The following ZNF891 variants were observed in gnomAD, a reference collection of about 807,000 sequenced individuals.
ZNF891 encodes zinc finger protein 891.
For synonymous variants in ZNF891, 199 were observed against 209.0 expected (o/e 0.95, Z 0.41); for missense variants, 589 against 632.7 (o/e 0.93, Z 0.74).
Position 133,120,191 on chromosome 12 carries a change from C to T in ZNF891, c.*93G>A, listed in dbSNP as rs1593824991. 2.9e-6 allele frequency: 3 copies of T among 1,046,916 alleles called. No individual in the cohort carries two copies. The highest frequency in any genetic ancestry group is 5.3e-5 in the East Asian group (2 of 38,010). The allele number at this position is 1,046,916 out of a possible 1,614,324, so 64.9% of individuals were successfully genotyped here. A position where few individuals can be genotyped will look rare whatever the true frequency, so the allele number is the denominator to read the frequency against. On this transcript the variant is annotated 3_prime_UTR_variant, in exon 2 of 2. Transcript: ENST00000537226. The stretch of plus-strand genomic sequence containing the variant: ...ATATTAAAAAAAGAGCCATTTGTAA[C>T]CTTAAATCGTTCTTTTAGAGAACAA...
At position 133,120,867 on chromosome 12, in the gene ZNF891, T is replaced by A. The variant is rs764118157; in HGVS notation, c.1052A>T (p.Lys351Ile). Residue 351 changes from lysine to isoleucine, a missense_variant, in exon 2 of 2, where the codon AAA (lysine) becomes ATA (isoleucine). Coordinates refer to ENST00000537226, the MANE Select transcript of ZNF891 (RefSeq NM_001277291.2). Reference sequence around the variant, plus strand: ...ATCATTGAACACTTTACCACATTCTTTACATTCATATTGTTTCTCACCCAT... The same window carrying A: ...ATCATTGAACACTTTACCACATTCTATACATTCATATTGTTTCTCACCCAT... ...SHMGEKQYEC[K>I]ECGKVFNDSS... 1 of 1,544,250 alleles carries A rather than the reference T, an allele frequency of 6.5e-7. No homozygotes were observed.
At position 133,106,328 on chromosome 12, in the gene ZNF891, C is replaced by G; in HGVS notation, c.*13956G>C. Reference sequence around the variant, plus strand: ...ATTCCTTATTAAACATCAGAGAATTCATGCTGGAGAAAAGCTCTATGAATG... The same window carrying G: ...ATTCCTTATTAAACATCAGAGAATTGATGCTGGAGAAAAGCTCTATGAATG... On this transcript the variant is annotated 3_prime_UTR_variant, in exon 2 of 2. Coordinates refer to ENST00000537226, the MANE Select transcript of ZNF891 (RefSeq NM_001277291.2). 4 of 1,614,170 alleles carry G rather than the reference C, an allele frequency of 2.5e-6. No homozygotes were observed. The highest frequency in any genetic ancestry group is 3.4e-6 in the Non-Finnish European group (4 of 1,180,024).
rs1023196222 is a variant in ZNF891 at position 133,122,039 on chromosome 12, G to T, written c.-106-15C>A. ...CGAAGTTCTCCCTGTAGCCAAAGAAGCAAGTTCAGGTAAAAGAAGAAAGCT... is the reference window on the plus strand; with the variant it reads ...CGAAGTTCTCCCTGTAGCCAAAGAATCAAGTTCAGGTAAAAGAAGAAAGCT... On this transcript the variant is annotated splice_polypyrimidine_tract_variant and intron_variant, in intron 1 of 1. Coordinates refer to ENST00000537226, the MANE Select transcript of ZNF891 (RefSeq NM_001277291.2). The T allele has an allele frequency of 1.4e-6, 2 of 1,405,798 alleles. No individual in the cohort carries two copies. The highest frequency in any genetic ancestry group is 1.8e-6 in the Non-Finnish European group (2 of 1,083,768). 87.1% of individuals were successfully genotyped at this position (1,405,798 alleles called of 1,614,324 possible).
rs138913821 is a variant in ZNF891, at chr12:133,121,843, C to G, written c.76G>C (p.Glu26Gln). ...DSACFHLRNAEEERMIAVFLT... is the reference protein window; with the variant it reads ...DSACFHLRNAQEERMIAVFLT... ...AATACAGCAATCATCCTTTCCTCTT[C>G]AGCATTTCTCAGATGGAAACAGGCA... Residue 26 changes from glutamate to glutamine, a missense_variant, in exon 2 of 2, where the codon GAA becomes CAA. Transcript: ENST00000537226. The G allele has an allele frequency of 6.5e-7, 1 of 1,536,474 alleles. No individual in the cohort carries two copies. The highest frequency in any genetic ancestry group is 8.7e-7 in the Non-Finnish European group (1 of 1,147,006).
chr12:133,106,701 A>C lies in ZNF891; in HGVS notation c.*13583T>G, dbSNP rs1228119114. The C allele has an allele frequency of 2.1e-6, 3 of 1,457,842 alleles. No homozygotes were observed. The highest frequency in any genetic ancestry group is 2.7e-6 in the Non-Finnish European group (3 of 1,091,574). The allele number at this position is 1,457,842 out of a possible 1,614,324, so 90.3% of individuals were successfully genotyped here. A position where few individuals can be genotyped will look rare whatever the true frequency, so the allele number is the denominator to read the frequency against. ...GAATGTATGGAATTTTTTAAAAAGA[A>C]GTATAATGCCTTACTTCAGAGAACT... On this transcript the variant is annotated 3_prime_UTR_variant, in exon 2 of 2. Transcript: ENST00000537226.
chr12:133,111,776 T>C lies in ZNF891; in HGVS notation c.*8508A>G, dbSNP rs1356752011. ...TTATGCTAAAACAAATCTCATTGTC[T>C]TTTAAAAAGTGAATGCAACTTATGG... On this transcript the variant is annotated 3_prime_UTR_variant, in exon 2 of 2. Transcript: ENST00000537226. 6.6e-6 allele frequency: 1 copy of C among 152,138 alleles called. No homozygotes were observed. The highest frequency in any genetic ancestry group is 1.5e-5 in the Non-Finnish European group (1 of 68,026). 9.4% of individuals were successfully genotyped at this position (152,138 alleles called of 1,614,324 possible).
Position 133,115,090 on chromosome 12 carries a change from G to T in ZNF891, c.*5194C>A, listed in dbSNP as rs1955707989. ...AAATAGAACTACATGCACTGACATG[G>T]AAAGATGTTTAAAAAGATGTTGGAT... On this transcript the variant is annotated 3_prime_UTR_variant, in exon 2 of 2. Transcript: ENST00000537226. The T allele has an allele frequency of 6.6e-6, 1 of 152,114 alleles. No individual in the cohort carries two copies. The allele number at this position is 152,114 out of a possible 1,614,324, so 9.4% of individuals were successfully genotyped here.
rs772430499 is a variant in ZNF891 at position 133,104,878 on chromosome 12, G to C, written c.*15406C>G. On this transcript the variant is annotated 3_prime_UTR_variant, in exon 2 of 2. Transcript: ENST00000537226. ...ATTGTGTGTCATGGGGGTTTGGTGTGCAGATAATTTTGTCACCCAGGTAAT... is the reference window on the plus strand; with the variant it reads ...ATTGTGTGTCATGGGGGTTTGGTGTCCAGATAATTTTGTCACCCAGGTAAT... Among the ~76,000 whole-genome samples, 400 of 152,236 alleles carry C rather than the reference G, an allele frequency of 2.6e-3. 2 individuals carry two copies. The highest frequency in any genetic ancestry group is 2.2e-3 in the Non-Finnish European group (150 of 68,008).
At position 133,128,450 on chromosome 12, in the gene ZNF891, C is replaced by T. The variant is rs1357216243; in HGVS notation, c.-107+1777G>A. Among the ~76,000 whole-genome samples the T allele has an allele frequency of 3.9e-5, 6 of 151,974 alleles. No individual in the cohort carries two copies. In the East Asian group the frequency reaches 7.7e-4, roughly 20 times the overall value. ...AGTTCGAGACCAGCCTGGGCAACAC[C>T]GTGAAACCCCGTCTCTACTAAAAAA... On this transcript the variant is annotated intron_variant, in intron 1 of 1. Coordinates refer to ENST00000537226, the MANE Select transcript of ZNF891 (RefSeq NM_001277291.2).
At chr12:133,127,915 A>C (rs11147244) in intron 1 of ZNF891, among the ~76,000 whole-genome samples, 1 of 152,184 alleles carries the variant, frequency 6.6e-6, no homozygotes, top group African/African-American at 2.4e-5. Context: ...AAAGGCAGTC[A>C]TTAAAAACAA....
At chr12:133,122,606 G>A (rs1037803272) in intron 1 of ZNF891, among the ~76,000 whole-genome samples, 15 of 152,316 alleles carry the variant, frequency 9.8e-5, no homozygotes, top group Non-Finnish European at 1.8e-4. Context: ...GGTGAGGGCA[G>A]CAGGGAGAGC....
rs1019814436 is a variant in ZNF891 at position 133,121,691 on chromosome 12, A to G, written c.228T>C (p.Tyr76=). Residue 76 remains tyrosine (Y), a synonymous_variant, in exon 2 of 2, where the codon TAT becomes TAC. Transcript: ENST00000537226. ...GATATTCCACGGAGGTGAGATTTCT[A>G]TAGTTTTCCAACATCACATCTCTGT... The part of the protein sequence containing the change: ...SLYRDVMLEN[Y]RNLTSVEYQL... 5.9e-6 allele frequency: 9 copies of G among 1,536,420 alleles called. No individual in the cohort carries two copies. The highest frequency in any genetic ancestry group is 2.0e-5 in the Admixed American group (1 of 50,968).
chr12:133,105,485 TCAC>T lies in ZNF891; in HGVS notation c.*14796_*14798del. On this transcript the variant is annotated 3_prime_UTR_variant, in exon 2 of 2. Transcript: ENST00000537226. ...TATTCAATACAGGAAAAAGAAACAT[TCAC>T]TTTTTTTTTGGTATCTTTCAGTTTC... is the stretch of plus-strand genomic sequence containing the variant. 1 of 1,540,642 alleles carries T rather than the reference TCAC, an allele frequency of 6.5e-7. No individual in the cohort carries two copies. Among genetic ancestry groups the T allele is most frequent in the East Asian group, 2.3e-5 (1 of 44,386 alleles).
Position 133,121,153 on chromosome 12 carries a change from G to A in ZNF891, c.766C>T (p.His256Tyr), listed in dbSNP as rs1232135246. ...TGTACTGTTTGATTTCTCTGAAAAT[G>A]CCATAGAGTTGTATCACATTCATGA... is the stretch of plus-strand genomic sequence containing the variant. ...ESHECDTTLW[H>Y]FQRNQTVQKE... Residue 256 changes from histidine (H) to tyrosine (Y), a missense_variant, in exon 2 of 2, where the codon CAT becomes TAT. His to Tyr is a moderately conservative substitution (Grantham distance 83). Transcript: ENST00000537226. The A allele has an allele frequency of 2.6e-6, 4 of 1,535,176 alleles. No individual in the cohort carries two copies. In the Admixed American group the frequency reaches 5.9e-5, roughly 23 times the overall value.
In ZNF891 at chr12:133,105,488, C is replaced by CTTTTTTTTTTT; in HGVS notation, c.*14795_*14796insAAAAAAAAAAA. The stretch of plus-strand genomic sequence containing the variant: ...TCAATACAGGAAAAAGAAACATTCA[C>CTTTTTTTTTTT]TTTTTTTTTGGTATCTTTCAGTTTC... On this transcript the variant is annotated 3_prime_UTR_variant, in exon 2 of 2. Transcript: ENST00000537226. 6.6e-7 allele frequency: 1 copy of CTTTTTTTTTTT among 1,519,458 alleles called. No homozygotes were observed. The allele number at this position is 1,519,458 out of a possible 1,614,324, so 94.1% of individuals were successfully genotyped here.
rs755302022 is a variant in ZNF891 at position 133,105,925 on chromosome 12, C to A, written c.*14359G>T. 3.7e-6 allele frequency: 6 copies of A among 1,614,136 alleles called. No homozygotes were observed. The Admixed American group carries it at 1.0e-4, about 27-fold the overall frequency. ...AAATGATACATACTGGAAAGAAACC[C>A]CATGAGTGTAAGGACTGTAATAAAA... On this transcript the variant is annotated 3_prime_UTR_variant, in exon 2 of 2. Transcript: ENST00000537226.
chr12:133,105,524 G>C lies in ZNF891; in HGVS notation c.*14760C>G. On this transcript the variant is annotated 3_prime_UTR_variant, in exon 2 of 2. Coordinates refer to ENST00000537226, the MANE Select transcript of ZNF891 (RefSeq NM_001277291.2). ...GTATCTTTCAGTTTCAGAGTCAAGTGGTGAGATCAAAGACTTTTCACCAAA... is the reference window on the plus strand; with the variant it reads ...GTATCTTTCAGTTTCAGAGTCAAGTCGTGAGATCAAAGACTTTTCACCAAA... 6.2e-7 allele frequency: 1 copy of C among 1,603,366 alleles called. No homozygotes were observed. The highest frequency in any genetic ancestry group is 8.5e-7 in the Non-Finnish European group (1 of 1,175,580).
intron 1 of ZNF891, among the ~76,000 whole-genome samples, chr12:133,127,624 G>C (rs1274671328): frequency 6.6e-6 from 1 of 152,174 alleles, no homozygotes; most frequent in Non-Finnish European, 1.5e-5. Flanking sequence ...CTTTCTTCAA[G>C]GCAGTTAAGA....
chr12:133,124,029 G>GA (rs780469775), intron 1 of ZNF891, among the ~76,000 whole-genome samples: 35 of 151,994 alleles, frequency 2.3e-4, no homozygotes, highest in Non-Finnish European at 2.8e-4. Context: ...AAGTTTTATA[G>GA]AAAACTAAAG....
Sources: allele counts gnomAD v4.1 joint callset (sites outside exome capture counted in the v4.1 genomes callset), GRCh38; gene constraint gnomAD v4.1.1; transcripts MANE v1.5; gene names NCBI Gene and HGNC (gene_info 2026-07-23, HGNC 2026-07-21).